CEP250: variants seen among roughly 807,000 people sequenced by gnomAD.
CEP250 encodes the protein centrosomal protein 250.
CEP250 carries 242 observed loss-of-function variants against 315.7 expected under a neutral mutation model. The ratio of observed to expected loss-of-function variants is 0.77; its 90% CI spans 0.69 to 0.85. The LOEUF is 0.85. Ranked by LOEUF, CEP250 falls within the 40% of genes least tolerant of loss-of-function variation. CEP250 has a pLI of 0.00. For synonymous variants in CEP250, 1,088 were observed against 1,175.0 expected (o/e 0.93, Z 1.51); for missense variants, 2,515 against 2,886.4 (o/e 0.87, Z 2.95).
chr20:35,510,114 C>T, intron 34 of CEP250, 60 bp downstream of exon 34: 1 of 1,480,402 alleles, frequency 6.8e-7, no homozygotes, highest in Non-Finnish European at 9.4e-7. Context: ...CTTTGTGCAC[C>T]TCCAGCAGGG....
At chr20:35,489,401 C>G (rs2063618765) in intron 20 of CEP250, among the ~76,000 whole-genome samples, 1 of 152,228 alleles carries the variant, frequency 6.6e-6, no homozygotes, top group South Asian at 2.1e-4. Context: ...ATGATGCTGG[C>G]TGTTGTGTAT....
Position 35,503,519 on chromosome 20 carries a change from G to T in CEP250, c.5150G>T (p.Ser1717Ile). Residue 1717 changes from serine (S) to isoleucine (I), a missense_variant, in exon 30 of 35, where the codon AGT becomes ATT. Transcript: ENST00000397527. The surrounding 1 kb of genome is among the most constrained non-coding windows in gnomAD (Gnocchi z 4.2). ...CGGGCAGAGGAAGGGAAGGGCCCAAGTAAAGCACAGCGCGGGAGCCTAGAG... is the reference window on the plus strand; with the variant it reads ...CGGGCAGAGGAAGGGAAGGGCCCAATTAAAGCACAGCGCGGGAGCCTAGAG... ...QERAEEGKGP[S>I]KAQRGSLEHM... The T allele has an allele frequency of 6.2e-7, 1 of 1,614,148 alleles. No individual in the cohort carries two copies. The highest frequency in any genetic ancestry group is 1.1e-5 in the South Asian group (1 of 91,086).
At chr20:35,486,200 ACACTGGGTTTCAC>A (rs1270740695) in intron 20 of CEP250, among the ~76,000 whole-genome samples, 1 of 151,120 alleles carries the variant, frequency 6.6e-6, no homozygotes, top group African/African-American at 2.4e-5. Context: ...TTTTTAGTAG[ACACTGGGTTTCAC>A]CACATCAGCC....
chr20:35,507,688 G>A (rs1218097248), intron 30 of CEP250, 50 bp from the exon 31 acceptor site: 2 of 1,436,656 alleles, frequency 1.4e-6, no homozygotes, highest in Admixed American at 2.0e-5. Flanking sequence ...GGGTTGGTCT[G>A]GATATGAGGT....
intron 22 of CEP250, 45 bp downstream of exon 22, chr20:35,491,391 T>G (rs756478439): frequency 1.2e-5 from 18 of 1,556,644 alleles, no homozygotes; most frequent in Non-Finnish European, 1.6e-5. Flanking sequence ...GGGCACTCAT[T>G]TACCCATTCG....
chr20:35,473,315 T>G (rs950258095), intron 12 of CEP250, 59 bp from the exon 13 acceptor site: 2 of 1,494,652 alleles, frequency 1.3e-6, no homozygotes, highest in Admixed American at 4.0e-5. Flanking sequence ...CTTTCGGGGT[T>G]CTGACATCCC....
At chr20:35,505,652 C>CAAA (rs57141703) in intron 30 of CEP250, among the ~76,000 whole-genome samples, 18 of 103,108 alleles carry the variant, frequency 1.7e-4, no homozygotes, top group Admixed American at 5.2e-4. Context: ...GACTCCATCT[C>CAAA]AAAAAAAAAA....
At chr20:35,472,196 C>A in intron 11 of CEP250, 45 bp downstream of exon 11, 1 of 1,088,120 alleles carries the variant, frequency 9.2e-7, no homozygotes, top group Non-Finnish European at 1.4e-6. Flanking sequence ...TATGCCTCCA[C>A]TCCCCAGGTC....
At chr20:35,475,441 A>G (rs1601167354) in intron 14 of CEP250, 61 bp from the exon 15 acceptor site, 1 of 1,536,108 alleles carries the variant, frequency 6.5e-7, no homozygotes. Flanking sequence ...TATTCCTGTT[A>G]CCTTTGGGGT....
rs747992072 is a variant in CEP250, at chr20:35,502,374, T to C, written c.4021-16T>C. 6 of 1,594,696 alleles carry C rather than the reference T, an allele frequency of 3.8e-6. No homozygotes were observed. The South Asian group carries it at 5.6e-5, about 15-fold the overall frequency. On this transcript the variant is annotated splice_polypyrimidine_tract_variant and intron_variant, in intron 29 of 34. Transcript: ENST00000397527. ...GGGAAGTGTAGTCTAAAGTGGCTTT[T>C]CATCTTGTCTTCTAGGGTGAGCGAG... is the stretch of plus-strand genomic sequence containing the variant.
rs759294916 is a variant in CEP250, at chr20:35,504,818, G to A, written c.6449G>A (p.Arg2150Gln). ...GATTCTTTAGAGCCCAGGCTGCAGC[G>A]GGAGCTGGAGCGGCTACAGGCAGCC... ...KLDSLEPRLQ[R>Q]ELERLQAALR... The change falls in exon 30 of 35, where the codon CGG becomes CAG. Residue 2150 changes from arginine to glutamine, a missense_variant. By Grantham distance (43) the Arg-to-Gln change is conservative (BLOSUM62 1). Coordinates refer to ENST00000397527, the MANE Select transcript of CEP250 (RefSeq NM_007186.6). The A allele has an allele frequency of 1.1e-5, 18 of 1,613,206 alleles. No individual in the cohort carries two copies. Among genetic ancestry groups the A allele is most frequent in the East Asian group, 6.7e-5 (3 of 44,900 alleles).
rs1568758470 is a variant in CEP250, at chr20:35,465,815, G to C, written c.316G>C (p.Glu106Gln). ...LDELLVRLEE[E>Q]QQRCESLAEV... Reference sequence around the variant, plus strand: ...TGAGCTGCTGGTCCGATTGGAGGAGGAGCAACAGAGGTGATGGACCCCAAA... The same window carrying C: ...TGAGCTGCTGGTCCGATTGGAGGAGCAGCAACAGAGGTGATGGACCCCAAA... Residue 106 changes from glutamate (E) to glutamine (Q), a missense_variant, in exon 6 of 35, where the codon GAG (glutamate) becomes CAG (glutamine). Coordinates refer to ENST00000397527, the MANE Select transcript of CEP250 (RefSeq NM_007186.6). 1 of 1,608,344 alleles carries C rather than the reference G, an allele frequency of 6.2e-7. No individual in the cohort carries two copies. Among genetic ancestry groups the C allele is most frequent in the Admixed American group, 1.7e-5 (1 of 59,046 alleles).
At position 35,474,039 on chromosome 20, in the gene CEP250, G is replaced by C; in HGVS notation, c.1558G>C (p.Glu520Gln). Residue 520 changes from glutamate (E) to glutamine (Q), a missense_variant, in exon 14 of 35, where the codon GAG becomes CAG. By Grantham distance (29) the Glu-to-Gln change is conservative. Transcript: ENST00000397527. ...GGAGGAGCTGCACCTGGCTGTCCGG[G>C]AGAGGGAGCGTCTGTAAGTGAGACT... is the stretch of plus-strand genomic sequence containing the variant. ...QQEELHLAVR[E>Q]RERLQEMLMG... 6.4e-7 allele frequency: 1 copy of C among 1,565,754 alleles called. No homozygotes were observed. The highest frequency in any genetic ancestry group is 8.6e-7 in the Non-Finnish European group (1 of 1,159,612).
intron 20 of CEP250, among the ~76,000 whole-genome samples, chr20:35,489,965 G>T (rs1395044484): frequency 6.6e-6 from 1 of 152,036 alleles, no homozygotes; most frequent in African/African-American, 2.4e-5. Flanking sequence ...GACCACTTGC[G>T]CCCAGGAGTT....
At position 35,498,730 on chromosome 20, in the gene CEP250, C is replaced by G. The variant is rs1395113851; in HGVS notation, c.3777+14C>G. 3 of 1,556,858 alleles carry G rather than the reference C, an allele frequency of 1.9e-6. No homozygotes were observed. In the African/African-American group the frequency reaches 4.2e-5, roughly 22 times the overall value. ...CAACAGACCCGGGTATGTTTCTCTG[C>G]TCCCCTTTCCCGAACTCTTTACATC... On this transcript the variant is annotated intron_variant, in intron 27 of 34. Coordinates refer to ENST00000397527, the MANE Select transcript of CEP250 (RefSeq NM_007186.6).
rs761910236 is a variant in CEP250 at position 35,477,961 on chromosome 20, A to G, written c.1954A>G (p.Lys652Glu). 1 of 1,613,104 alleles carries G rather than the reference A, an allele frequency of 6.2e-7. No individual in the cohort carries two copies. The highest frequency in any genetic ancestry group is 1.3e-5 in the African/African-American group (1 of 75,032). ...GCAGGTCGACCTGGCGGAGGCAGAG[A>G]AGAGGAGGGAAGCCCTGTGGGAAAA... ...ALQVDLAEAE[K>E]RREALWEKNT... is the part of the protein sequence containing the mutation. Residue 652 changes from lysine to glutamate, a missense_variant, in exon 17 of 35, where the codon AAG (lysine) becomes GAG (glutamate). Coordinates refer to ENST00000397527, the MANE Select transcript of CEP250 (RefSeq NM_007186.6).
chr20:35,455,939 A>G (rs1396000756), intron 1 of CEP250, among the ~76,000 whole-genome samples, 188 bp downstream of exon 1: 3 of 152,244 alleles, frequency 2.0e-5, no homozygotes, highest in Non-Finnish European at 4.4e-5. Context: ...CTTGTTGCCC[A>G]GGCTGGAGTG....
intron 22 of CEP250, 74 bp downstream of exon 22, chr20:35,491,420 G>C: frequency 6.7e-7 from 1 of 1,501,952 alleles, no homozygotes; most frequent in Non-Finnish European, 9.1e-7. Context: ...GGGTTCTTGG[G>C]CACTTCTTAT....
At chr20:35,479,864 A>G in intron 19 of CEP250, 91 bp downstream of exon 19, 1 of 1,599,266 alleles carries the variant, frequency 6.3e-7, no homozygotes, top group Non-Finnish European at 8.5e-7. Context: ...GTCCTTCTCC[A>G]GCAGGGTGCA....
Sources: gnomAD v4.1 joint callset for allele counts (sites outside exome capture counted in the v4.1 genomes callset) on GRCh38, gnomAD v4.1.1 for gene constraint, Gnocchi (gnomAD v3.1) non-coding constraint, MANE v1.5 for transcripts, NCBI Gene and HGNC (gene_info 2026-07-23, HGNC 2026-07-21) for gene names.